Variants in RAPGEF4 observed in about 807,000 individuals in gnomAD.
RAPGEF4 encodes Rap guanine nucleotide exchange factor 4, also known as RAP guanine-nucleotide-exchange factor (GEF) 4.
A neutral mutation model predicts 147.9 loss-of-function variants in RAPGEF4; 66 were observed. That is an observed-to-expected ratio of 0.45 (90% CI 0.37 to 0.55). The LOEUF (loss-of-function observed/expected upper bound fraction) is 0.55. Among genes scored for constraint, RAPGEF4 ranks in the 20% least tolerant of loss-of-function variants. The probability of loss-of-function intolerance (pLI) is 0.00; values close to 1 mark genes in which losing one functional copy is unlikely to be tolerated. For missense variants in RAPGEF4, 1,071 were observed against 1,257.3 expected, an observed-to-expected ratio of 0.85 and a Z score of 2.24; for synonymous variants, 419 against 442.7, an observed-to-expected ratio of 0.95 and a Z score of 0.67.
intron 4 of RAPGEF4, among the ~76,000 whole-genome samples, chr2:172,815,098 C>A (rs1319134919): frequency 2.0e-5 from 3 of 152,234 alleles, no homozygotes; most frequent in African/African-American, 7.2e-5. Flanking sequence ...CTAAGCCTTG[C>A]ATCTTTTACA....
intron 4 of RAPGEF4, among the ~76,000 whole-genome samples, chr2:172,827,181 A>G (rs1341781256): frequency 6.6e-6 from 1 of 152,188 alleles, no homozygotes; most frequent in Non-Finnish European, 1.5e-5. Flanking sequence ...TGAATTCCTG[A>G]TAATAACAGT....
At chr2:172,777,911 G>A (rs1312584058) in intron 1 of RAPGEF4, among the ~76,000 whole-genome samples, 1 of 152,096 alleles carries the variant, frequency 6.6e-6, no homozygotes, top group Non-Finnish European at 1.5e-5. Flanking sequence ...TGTGGGTGAA[G>A]GAGGTTAGTT....
chr2:172,873,134 G>A (rs752543817), intron 4 of RAPGEF4, among the ~76,000 whole-genome samples: 1 of 152,168 alleles, frequency 6.6e-6, no homozygotes, highest in Non-Finnish European at 1.5e-5. Context: ...TTCTCACAGT[G>A]AATACAATGT....
chr2:172,933,417 G>A (rs1686194900), intron 6 of RAPGEF4, among the ~76,000 whole-genome samples: 1 of 152,188 alleles, frequency 6.6e-6, no homozygotes, highest in African/African-American at 2.4e-5. Flanking sequence ...GGGAGGGAAG[G>A]ATGAGAGTAG....
chr2:172,757,923 T>G (rs889603944), intron 1 of RAPGEF4, among the ~76,000 whole-genome samples: 4 of 152,198 alleles, frequency 2.6e-5, no homozygotes, highest in African/African-American at 9.7e-5. Flanking sequence ...CTTGCTCTCA[T>G]GGAGCTTACA....
intron 4 of RAPGEF4, among the ~76,000 whole-genome samples, chr2:172,911,758 CTTTTTTTTTT>C (rs34659758): frequency 4.7e-5 from 3 of 63,220 alleles, no homozygotes; most frequent in African/African-American, 1.4e-4. Context: ...TGTGCTAAGC[CTTTTTTTTTT>C]TTTTTTTTTT....
At chr2:172,836,457 CT>C (rs1690941135) in intron 4 of RAPGEF4, among the ~76,000 whole-genome samples, 1 of 152,232 alleles carries the variant, frequency 6.6e-6, no homozygotes. Context: ...TAGCCCTGAT[CT>C]CCCATTCTGT....
chr2:173,025,685 C>A (rs1283266065), intron 23 of RAPGEF4, among the ~76,000 whole-genome samples: 2 of 152,338 alleles, frequency 1.3e-5, no homozygotes, highest in Middle Eastern at 3.4e-3. Flanking sequence ...TCAGGTGATC[C>A]ACCCGCCTTG....
chr2:173,020,670 T>C lies in RAPGEF4; in HGVS notation c.2208T>C (p.Ile736=). 1 of 1,614,006 alleles carries C rather than the reference T, an allele frequency of 6.2e-7. No homozygotes were observed. The highest frequency in any genetic ancestry group is 1.3e-5 in the African/African-American group (1 of 75,032). The change falls in exon 23 of 31, where the codon ATT becomes ATC. Residue 736 remains isoleucine, a synonymous_variant. Transcript: ENST00000397081. ...TTTCAGTATTTACGACGCTCACCAT[T>C]AATGGACGCCTGTTTGCTTGCCCGC... ...NDVSVFTTLT[I]NGRLFACPRE... is the part of the protein sequence containing the mutation.
At chr2:172,830,494 C>G (rs1690173861) in intron 4 of RAPGEF4, among the ~76,000 whole-genome samples, 1 of 152,218 alleles carries the variant, frequency 6.6e-6, no homozygotes, top group African/African-American at 2.4e-5. Context: ...CTCCCCAAAA[C>G]TGTCCACATT....
chr2:172,852,007 CT>C, intron 4 of RAPGEF4, among the ~76,000 whole-genome samples: 1 of 152,136 alleles, frequency 6.6e-6, no homozygotes, highest in East Asian at 1.9e-4. Context: ...TGCAAACTGA[CT>C]TTTTACTTCA....
intron 6 of RAPGEF4, among the ~76,000 whole-genome samples, chr2:172,953,772 G>A (rs1400212472): frequency 1.3e-5 from 2 of 152,166 alleles, no homozygotes; most frequent in South Asian, 2.1e-4. Context: ...TGGGGTGGGG[G>A]TGTGAGGGTG....
At chr2:172,775,773 A>G (rs779801891) in intron 1 of RAPGEF4, among the ~76,000 whole-genome samples, 1 of 152,174 alleles carries the variant, frequency 6.6e-6, no homozygotes, top group South Asian at 2.1e-4. Flanking sequence ...GCTACCTCAG[A>G]TTTATTTAAG....
intron 4 of RAPGEF4, among the ~76,000 whole-genome samples, chr2:172,909,521 G>T (rs183210642): frequency 6.6e-6 from 1 of 152,234 alleles, no homozygotes; most frequent in Admixed American, 6.5e-5. Context: ...GGGTTTACAG[G>T]GGGAAGTGCA....
At position 172,735,933 on chromosome 2, in the gene RAPGEF4, G is replaced by C; in HGVS notation, c.-51G>C. 1 of 1,405,542 alleles carries C rather than the reference G, an allele frequency of 7.1e-7. No individual in the cohort carries two copies. Among genetic ancestry groups the C allele is most frequent in the South Asian group, 1.4e-5 (1 of 70,680 alleles). 87.1% of individuals were successfully genotyped at this position (1,405,542 alleles called of 1,614,324 possible). Reference sequence around the variant, plus strand: ...AGGCGGGGGCGGAGGCGCAGGCAGAGCGAGCGCGGGAGGTCGCCGCAGCCA... The same window carrying C: ...AGGCGGGGGCGGAGGCGCAGGCAGACCGAGCGCGGGAGGTCGCCGCAGCCA... On this transcript the variant is annotated 5_prime_UTR_variant, in exon 1 of 31. Transcript: ENST00000397081.
Position 172,960,759 on chromosome 2 carries a change from G to C in RAPGEF4, c.538-1G>C. ...TTTTGCTTTAACATTTTATTTTTCAGACACCTCTCATTGAACCTCACGTTC... is the reference window on the plus strand; with the variant it reads ...TTTTGCTTTAACATTTTATTTTTCACACACCTCTCATTGAACCTCACGTTC... On this transcript the variant is annotated splice_acceptor_variant, in intron 6 of 30. Coordinates refer to ENST00000397081, the MANE Select transcript of RAPGEF4 (RefSeq NM_007023.4). LOFTEE classifies it high-confidence loss of function. 6.3e-7 allele frequency: 1 copy of C among 1,595,044 alleles called. No individual in the cohort carries two copies. The highest frequency in any genetic ancestry group is 8.5e-7 in the Non-Finnish European group (1 of 1,169,704).
At chr2:172,945,451 T>C (rs949204307) in intron 6 of RAPGEF4, among the ~76,000 whole-genome samples, 9 of 152,298 alleles carry the variant, frequency 5.9e-5, no homozygotes, top group African/African-American at 2.2e-4. Flanking sequence ...TTGTATATTC[T>C]TGTCCTGTAT....
intron 1 of RAPGEF4, among the ~76,000 whole-genome samples, chr2:172,765,684 C>T (rs1010661507): frequency 2.0e-5 from 3 of 152,198 alleles, no homozygotes; most frequent in African/African-American, 7.2e-5. Flanking sequence ...CTCATATTTT[C>T]CTATGACCTT....
chr2:172,950,073 TC>T (rs1178705731), intron 6 of RAPGEF4, among the ~76,000 whole-genome samples: 2 of 152,238 alleles, frequency 1.3e-5, no homozygotes, highest in Non-Finnish European at 1.5e-5. Context: ...GGTTTTAACA[TC>T]CCAGGTTAGT....
Sources: gnomAD v4.1 joint callset for allele counts (sites outside exome capture counted in the v4.1 genomes callset) on GRCh38, gnomAD v4.1.1 for gene constraint, MANE v1.5 for transcripts, NCBI Gene and HGNC (gene_info 2026-07-23, HGNC 2026-07-21) for gene names.